MITF: variants seen among roughly 807,000 people sequenced by gnomAD.
The protein encoded by MITF is microphthalmia-associated transcription factor.
A neutral mutation model predicts 60.5 loss-of-function variants in MITF; 17 were observed. That is an observed-to-expected ratio of 0.28 (90% CI 0.19 to 0.42). The LOEUF (loss-of-function observed/expected upper bound fraction) is 0.42. MITF is among the 10% of genes least tolerant of loss of function. The probability of loss-of-function intolerance (pLI) is 1.00; values close to 1 mark genes in which losing one functional copy is unlikely to be tolerated. For synonymous variants in MITF, 260 were observed against 248.5 expected, an observed-to-expected ratio of 1.05 and a Z score of -0.43; for missense variants, 622 against 683.5, an observed-to-expected ratio of 0.91 and a Z score of 1.00.
chr3:69,744,171 C>T (rs1559604243), intron 1 of MITF, among the ~76,000 whole-genome samples: 1 of 152,210 alleles, frequency 6.6e-6, no homozygotes, highest in Admixed American at 6.5e-5. Flanking sequence ...ACTGTTGCGT[C>T]ACACGCATAC....
intron 1 of MITF, among the ~76,000 whole-genome samples, chr3:69,872,968 C>T (rs886697804): frequency 6.6e-6 from 1 of 152,110 alleles, no homozygotes; most frequent in African/African-American, 2.4e-5. Context: ...AAAGCATTTG[C>T]GTGGGGCATG....
chr3:69,785,002 T>G (rs891617301), intron 1 of MITF, among the ~76,000 whole-genome samples: 5 of 151,808 alleles, frequency 3.3e-5, no homozygotes, highest in African/African-American at 1.2e-4. Context: ...TTGTTTATTT[T>G]CCTTGTTATC....
intron 1 of MITF, among the ~76,000 whole-genome samples, chr3:69,851,074 AAT>A (rs1460140121): frequency 6.6e-6 from 1 of 152,212 alleles, no homozygotes; most frequent in Non-Finnish European, 1.5e-5. Context: ...AGTTATTTAT[AAT>A]AGTCTGGTCA....
intron 1 of MITF, among the ~76,000 whole-genome samples, chr3:69,843,175 C>A (rs1163114236): frequency 1.3e-5 from 2 of 152,130 alleles, no homozygotes; most frequent in Non-Finnish European, 2.9e-5. Context: ...AAACCAATAT[C>A]TATGGATTAC....
rs188710184 is a variant in MITF at position 69,938,612 on chromosome 3, T to C, written c.583-486T>C. Reference sequence around the variant, plus strand: ...TTCTGTTTCATAATAAAATTGCCACTGCCCGTTAAATCTGCTTTGGTGAAG... The same window carrying C: ...TTCTGTTTCATAATAAAATTGCCACCGCCCGTTAAATCTGCTTTGGTGAAG... On this transcript the variant is annotated intron_variant, in intron 3 of 9. Coordinates refer to ENST00000352241, the MANE Select transcript of MITF (RefSeq NM_001354604.2). 806 of 1,352,672 alleles carry C rather than the reference T, an allele frequency of 6.0e-4. 8 individuals are homozygous for C. The African/African-American group carries it at 0.011, about 18-fold the overall frequency. The allele number at this position is 1,352,672 out of a possible 1,614,324, so 83.8% of individuals were successfully genotyped here. A position where few individuals can be genotyped will look rare whatever the true frequency, so the allele number is the denominator to read the frequency against.
chr3:69,791,826 A>G (rs1465305396), intron 1 of MITF, among the ~76,000 whole-genome samples: 1 of 152,214 alleles, frequency 6.6e-6, no homozygotes, highest in Non-Finnish European at 1.5e-5. Flanking sequence ...AGAACTGCCT[A>G]TATGTTTCAT....
At chr3:69,747,820 G>A (rs555218030) in intron 1 of MITF, among the ~76,000 whole-genome samples, 1 of 152,290 alleles carries the variant, frequency 6.6e-6, no homozygotes, top group Non-Finnish European at 1.5e-5. Flanking sequence ...TCTCCTGACT[G>A]TTGTTGTCCT....
chr3:69,874,392 G>A (rs2064305887), intron 1 of MITF, among the ~76,000 whole-genome samples: 1 of 152,162 alleles, frequency 6.6e-6, no homozygotes, highest in Non-Finnish European at 1.5e-5. Flanking sequence ...AAAAGAAGAA[G>A]CATGCTCATG....
At chr3:69,742,302 C>T (rs180859916) in intron 1 of MITF, among the ~76,000 whole-genome samples, 3 of 152,194 alleles carry the variant, frequency 2.0e-5, no homozygotes, top group East Asian at 1.9e-4. Flanking sequence ...AGAGATGCTG[C>T]TAAACATCTT....
intron 1 of MITF, 37 bp from the exon 2 acceptor site, chr3:69,879,097 G>A (rs2107275220): frequency 6.3e-7 from 1 of 1,579,570 alleles, no homozygotes; most frequent in Middle Eastern, 1.7e-4. Flanking sequence ...GTCTCATTAG[G>A]AAACTAAATG....
chr3:69,893,609 G>T (rs1022208834), intron 2 of MITF, among the ~76,000 whole-genome samples: 2 of 152,150 alleles, frequency 1.3e-5, no homozygotes, highest in Non-Finnish European at 2.9e-5. Context: ...CACATAATGG[G>T]TTCTTGAGAA....
intron 1 of MITF, among the ~76,000 whole-genome samples, chr3:69,792,651 G>A (rs1368755819): frequency 6.6e-6 from 1 of 152,106 alleles, no homozygotes; most frequent in Non-Finnish European, 1.5e-5. Flanking sequence ...AAGTGGACTC[G>A]TTCTGGGTAC....
At chr3:69,823,964 G>A (rs1575770194) in intron 1 of MITF, among the ~76,000 whole-genome samples, 2 of 152,184 alleles carry the variant, frequency 1.3e-5, no homozygotes, top group African/African-American at 4.8e-5. Context: ...ATATAGGCTT[G>A]AAGTTATCCT....
At chr3:69,764,909 C>T (rs764859552) in intron 1 of MITF, among the ~76,000 whole-genome samples, 51 of 152,268 alleles carry the variant, frequency 3.3e-4, no homozygotes, top group Non-Finnish European at 5.0e-4. Flanking sequence ...GCTTGCCTCT[C>T]CTTGTTTTAA....
chr3:69,858,962 G>A lies in MITF; in HGVS notation c.105-20172G>A, dbSNP rs2063965750. Among the ~76,000 whole-genome samples the A allele has an allele frequency of 2.0e-5, 3 of 152,138 alleles. No individual in the cohort carries two copies. In the South Asian group the frequency reaches 6.2e-4, roughly 32 times the overall value. On this transcript the variant is annotated intron_variant, in intron 1 of 9. Coordinates refer to ENST00000352241, the MANE Select transcript of MITF (RefSeq NM_001354604.2). ...TGCTATTTTTCTTGTACCATGTTAA[G>A]TACTTTTCATACTTTATCTCATTCA...
intron 1 of MITF, among the ~76,000 whole-genome samples, chr3:69,777,487 T>C (rs1216504146): frequency 1.3e-5 from 2 of 152,216 alleles, no homozygotes; most frequent in East Asian, 3.8e-4. Flanking sequence ...GTGATTATAA[T>C]ACAGAGTACA....
intron 1 of MITF, among the ~76,000 whole-genome samples, chr3:69,816,859 C>T (rs1480682713): frequency 6.6e-6 from 1 of 152,108 alleles, no homozygotes; most frequent in Non-Finnish European, 1.5e-5. Flanking sequence ...TGTATTTTCA[C>T]TATAAGTGAG....
intron 1 of MITF, among the ~76,000 whole-genome samples, chr3:69,784,164 TTTGTTGTTG>T (rs372749718): frequency 1.2e-4 from 18 of 151,702 alleles, no homozygotes; most frequent in East Asian, 1.9e-4. Context: ...TGCTTTTTGT[TTTGTTGTTG>T]TTGTTGTTGT....
rs188807460 is a variant in MITF at position 69,871,893 on chromosome 3, A to G, written c.105-7241A>G. 4.6e-5 allele frequency among the ~76,000 whole-genome samples: 7 copies of G among 152,328 alleles called. No individual in the cohort carries two copies. In the East Asian group the frequency reaches 1.3e-3, roughly 29 times the overall value. ...TTTTAAAAATTGCTTTTTCTTTTAA[A>G]ATACTCTCAGTGGAGCATCTTGCCA... On this transcript the variant is annotated intron_variant, in intron 1 of 9. Transcript: ENST00000352241.
Sources: allele counts gnomAD v4.1 joint callset (sites outside exome capture counted in the v4.1 genomes callset), GRCh38; gene constraint gnomAD v4.1.1; transcripts MANE v1.5; gene names NCBI Gene and HGNC (gene_info 2026-07-23, HGNC 2026-07-21).